Variants in ARFGEF2 observed in about 807,000 individuals in gnomAD.
ARFGEF2 encodes ARF guanine nucleotide exchange factor 2.
ARFGEF2 carries 74 observed loss-of-function variants against 219.9 expected under a neutral mutation model. The ratio of observed to expected loss-of-function variants is 0.34; its 90% confidence interval spans 0.28 to 0.41. The LOEUF (loss-of-function observed/expected upper bound fraction) is 0.41. Among genes scored for constraint, ARFGEF2 ranks in the 10% least tolerant of loss-of-function variants. The pLI is 1.00. For missense variants in ARFGEF2, 1,743 were observed against 2,218.3 expected, an observed-to-expected ratio of 0.79 and a Z score of 4.30; for synonymous variants, 733 against 799.2, an observed-to-expected ratio of 0.92 and a Z score of 1.40.
intron 14 of ARFGEF2, among the ~76,000 whole-genome samples, chr20:48,983,197 C>A (rs115389526): frequency 0.013 from 2,033 of 152,294 alleles, 51 homozygotes; most frequent in African/African-American, 0.046. Context: ...TGGTAGCCAT[C>A]ATGAGACCTT....
chr20:48,935,119 C>A (rs918328881), intron 1 of ARFGEF2, among the ~76,000 whole-genome samples: 60 of 71,942 alleles, frequency 8.3e-4, no homozygotes, highest in Admixed American at 1.4e-4. Context: ...TTTTATTGAT[C>A]ATTCTTGGGT....
At chr20:49,007,966 G>A (rs2091473203) in intron 26 of ARFGEF2, among the ~76,000 whole-genome samples, 1 of 152,010 alleles carries the variant, frequency 6.6e-6, no homozygotes, top group African/African-American at 2.4e-5. Context: ...AAGGGGCAGA[G>A]TGAGTTTAGA....
At chr20:48,959,426 T>TCCA (rs2091126455) in intron 6 of ARFGEF2, among the ~76,000 whole-genome samples, 3 of 128,822 alleles carry the variant, frequency 2.3e-5, no homozygotes, top group East Asian at 2.5e-4. Flanking sequence ...CCTCCCTCCC[T>TCCA]TCTTCCTTCC....
chr20:48,947,513 A>G (rs2091035723), intron 3 of ARFGEF2, among the ~76,000 whole-genome samples: 1 of 152,116 alleles, frequency 6.6e-6, no homozygotes, highest in Non-Finnish European at 1.5e-5. Context: ...AGCTCAACAT[A>G]GGGAGACCTC....
At chr20:48,931,211 A>G (rs1355676927) in intron 1 of ARFGEF2, among the ~76,000 whole-genome samples, 1 of 152,234 alleles carries the variant, frequency 6.6e-6, no homozygotes, top group Admixed American at 6.5e-5. Flanking sequence ...GTGGATGTTA[A>G]AAGTATTTTG....
At chr20:48,972,151 C>T (rs1014958271) in intron 10 of ARFGEF2, among the ~76,000 whole-genome samples, 175 bp from the exon 11 acceptor site, 3 of 152,182 alleles carry the variant, frequency 2.0e-5, no homozygotes, top group Admixed American at 1.3e-4. Flanking sequence ...CCCTGCCAGC[C>T]GTCCCCACCA....
Position 48,973,155 on chromosome 20 carries a change from T to C in ARFGEF2, c.1536T>C (p.Cys512=). 2 of 1,614,188 alleles carry C rather than the reference T, an allele frequency of 1.2e-6. No individual in the cohort carries two copies. The highest frequency in any genetic ancestry group is 1.7e-6 in the Non-Finnish European group (2 of 1,180,018). The change falls in exon 12 of 39, where the codon TGT becomes TGC. Residue 512 remains cysteine, a synonymous_variant. Coordinates refer to ENST00000371917, the MANE Select transcript of ARFGEF2 (RefSeq NM_006420.3). ...ATGTTATTTTCCAAGATGCCCAGTG[T>C]GTTGTGGATATTTATGTCAACTACG... ...TLTRICADAQ[C]VVDIYVNYDC...
chr20:48,937,679 T>C (rs2090967457), intron 1 of ARFGEF2, among the ~76,000 whole-genome samples: 1 of 152,212 alleles, frequency 6.6e-6, no homozygotes, highest in Non-Finnish European at 1.5e-5. Context: ...AACTGGAGTT[T>C]CTTGGGTTTC....
At chr20:48,997,180 T>TA (rs2091396283) in intron 23 of ARFGEF2, among the ~76,000 whole-genome samples, 1 of 152,242 alleles carries the variant, frequency 6.6e-6, no homozygotes, top group Admixed American at 6.5e-5. Context: ...CTTCCACTGT[T>TA]ACTGCCTTCT....
Position 48,988,625 on chromosome 20 carries a change from A to G in ARFGEF2, c.2496A>G (p.Thr832=), listed in dbSNP as rs1347995565. The part of the protein sequence containing the change: ...IEGKKIAMKE[T]KELTIATKST... ...GCAAGAAAATTGCAATGAAAGAAAC[A>G]AAAGAGCTAACGATTGCAACCAAAT... Residue 832 remains threonine, a synonymous_variant, in exon 18 of 39, where the codon ACA becomes ACG. Transcript: ENST00000371917. 1.2e-6 allele frequency: 2 copies of G among 1,613,750 alleles called. No homozygotes were observed. The highest frequency in any genetic ancestry group is 1.3e-5 in the African/African-American group (1 of 75,046).
chr20:48,936,150 G>A (rs1438389216), intron 1 of ARFGEF2, among the ~76,000 whole-genome samples: 4 of 141,788 alleles, frequency 2.8e-5, no homozygotes, highest in Non-Finnish European at 6.2e-5. Flanking sequence ...CCTCCCGGAC[G>A]GGGCGGCTGG....
chr20:49,005,693 G>A lies in ARFGEF2; in HGVS notation c.3584+472G>A, dbSNP rs187980891. ...GCAGAGCTTGCAGTGAGCCAAGATT[G>A]CGCCACTGCACTCCAGCCTGGGTGA... On this transcript the variant is annotated intron_variant, in intron 26 of 38. Transcript: ENST00000371917. Among the ~76,000 whole-genome samples the A allele has an allele frequency of 6.3e-5, 9 of 143,006 alleles. 1 individual carries two copies. Among genetic ancestry groups the A allele is most frequent in the African/African-American group, 2.1e-4 (8 of 38,184 alleles). 93.8% of individuals were successfully genotyped at this position (143,006 alleles called of 152,430 possible).
intron 14 of ARFGEF2, among the ~76,000 whole-genome samples, chr20:48,984,179 G>A (rs2091312744): frequency 6.6e-6 from 1 of 152,196 alleles, no homozygotes; most frequent in Non-Finnish European, 1.5e-5. Flanking sequence ...AGAGATCCAG[G>A]CTCCTTTTAT....
At chr20:49,010,463 C>A in intron 27 of ARFGEF2, 59 bp downstream of exon 27, 2 of 1,595,986 alleles carry the variant, frequency 1.3e-6, no homozygotes, top group Non-Finnish European at 1.7e-6. Flanking sequence ...AAGAGTGTCA[C>A]TTGCTGTCTA....
chr20:49,023,203 A>G, intron 35 of ARFGEF2, 22 bp downstream of exon 35: 1 of 1,613,784 alleles, frequency 6.2e-7, no homozygotes, highest in South Asian at 1.1e-5. Context: ...AGGCCTCAGG[A>G]AGAGCATCCC....
At chr20:48,961,737 G>C (rs180918965) in intron 6 of ARFGEF2, among the ~76,000 whole-genome samples, 1 of 151,778 alleles carries the variant, frequency 6.6e-6, no homozygotes, top group African/African-American at 2.4e-5. Flanking sequence ...GGTGGCAGAC[G>C]CCTATAATCC....
chr20:48,958,176 A>G (rs1278225641), intron 6 of ARFGEF2, among the ~76,000 whole-genome samples: 1 of 152,232 alleles, frequency 6.6e-6, no homozygotes, highest in Non-Finnish European at 1.5e-5. Context: ...AAGCACCTAC[A>G]TATAAACACA....
At chr20:48,963,985 C>T (rs1337839206) in intron 7 of ARFGEF2, 87 bp downstream of exon 7, 5 of 1,213,784 alleles carry the variant, frequency 4.1e-6, no homozygotes, top group Non-Finnish European at 6.0e-6. Context: ...GGAGTTTCCT[C>T]TTCCCTGCCC....
At chr20:48,999,905 A>G (rs1422842616) in intron 25 of ARFGEF2, among the ~76,000 whole-genome samples, 1 of 152,168 alleles carries the variant, frequency 6.6e-6, no homozygotes. Context: ...TATAATACCA[A>G]TGCTTAAAAA....
Sources: gnomAD v4.1 joint callset for allele counts (sites outside exome capture counted in the v4.1 genomes callset) on GRCh38, gnomAD v4.1.1 for gene constraint, MANE v1.5 for transcripts, NCBI Gene and HGNC (gene_info 2026-07-23, HGNC 2026-07-21) for gene names.